LRIF1: variants seen among roughly 807,000 people sequenced by gnomAD.
LRIF1 encodes the protein ligand-dependent nuclear receptor-interacting factor 1.
LRIF1 carries 32 observed loss-of-function variants against 52.7 expected under a neutral mutation model. That is an observed-to-expected ratio of 0.61 (90% CI 0.46 to 0.82). The LOEUF (loss-of-function observed/expected upper bound fraction) is 0.82. Among genes scored for constraint, LRIF1 ranks in the 40% least tolerant of loss-of-function variants. LRIF1 has a pLI of 0.00. For synonymous variants in LRIF1, 323 were observed against 317.4 expected, an observed-to-expected ratio of 1.02 and a Z score of -0.19; for missense variants, 887 against 892.0, an observed-to-expected ratio of 0.99 and a Z score of 0.07.
At chr1:110,879,971 CAG>C in the LRIF1 span, among the ~76,000 whole-genome samples, 1 of 152,094 alleles carries the variant, frequency 6.6e-6, no homozygotes, top group Non-Finnish European at 1.5e-5. Flanking sequence ...AAAAAAAAGA[CAG>C]GGATGGAATT....
At chr1:110,923,535 A>T in the LRIF1 span, among the ~76,000 whole-genome samples, 1 of 152,168 alleles carries the variant, frequency 6.6e-6, no homozygotes, top group Non-Finnish European at 1.5e-5. Context: ...TCATGATGCA[A>T]TTTTGGTAGA....
chr1:110,877,079 C>T, the LRIF1 span, among the ~76,000 whole-genome samples: 1 of 152,156 alleles, frequency 6.6e-6, no homozygotes, highest in Non-Finnish European at 1.5e-5. Flanking sequence ...CCAATTACCT[C>T]TTTAATATTC....
the LRIF1 span, among the ~76,000 whole-genome samples, chr1:110,927,641 G>A: frequency 6.6e-6 from 1 of 152,158 alleles, no homozygotes; most frequent in African/African-American, 2.4e-5. Context: ...CCAATGAGAT[G>A]AGTCAGTAGA....
chr1:110,938,149 A>C, the LRIF1 span: 1 of 152,194 alleles, frequency 6.6e-6, no homozygotes, highest in African/African-American at 2.4e-5. Flanking sequence ...AACTAATACC[A>C]ATCTCACTCA....
At chr1:110,950,221 A>G (rs1036250441) in intron 2 of LRIF1, 98 bp from the exon 3 acceptor site, 37 of 1,382,410 alleles carry the variant, frequency 2.7e-5, no homozygotes, top group African/African-American at 2.5e-4. Context: ...ATAAAAGAAC[A>G]TATCATGCTT....
the LRIF1 span, among the ~76,000 whole-genome samples, chr1:110,881,371 T>G: frequency 1.3e-5 from 2 of 152,322 alleles, no homozygotes; most frequent in Non-Finnish European, 2.9e-5. Flanking sequence ...TCTTTTTTAT[T>G]TAACCTCTTT....
chr1:110,949,944 G>C lies in LRIF1; in HGVS notation c.1776C>G (p.Thr592=). The change falls in exon 3 of 4, where the codon ACC becomes ACG. Residue 592 remains threonine (T), a synonymous_variant. Transcript: ENST00000369763. ...TAAAGGAATCGAAACCTTCTCCAGAGGTCAAATGGTCAGGAATTCGAGTAA... is the reference window on the plus strand; with the variant it reads ...TAAAGGAATCGAAACCTTCTCCAGACGTCAAATGGTCAGGAATTCGAGTAA... ...VCLTRIPDHL[T]SGEGFDSFSS... The C allele has an allele frequency of 6.2e-7, 1 of 1,614,108 alleles. No individual in the cohort carries two copies. The highest frequency in any genetic ancestry group is 8.5e-7 in the Non-Finnish European group (1 of 1,180,010).
At chr1:110,932,526 A>G in the LRIF1 span, among the ~76,000 whole-genome samples, 1 of 152,166 alleles carries the variant, frequency 6.6e-6, no homozygotes, top group African/African-American at 2.4e-5. Flanking sequence ...GAAGAAACTC[A>G]GTGGTAGCTT....
At chr1:110,891,265 A>C in the LRIF1 span, 14 of 675,202 alleles carry the variant, frequency 2.1e-5, no homozygotes, top group African/African-American at 2.5e-4. Context: ...AGTTTGGGGA[A>C]ACTTTCCAGA....
the LRIF1 span, among the ~76,000 whole-genome samples, chr1:110,894,554 G>A: frequency 2.0e-5 from 3 of 151,832 alleles, no homozygotes; most frequent in Non-Finnish European, 2.9e-5. Flanking sequence ...TAATTGGGGG[G>A]AAAATTTGTA....
chr1:110,947,861 T>C lies in LRIF1; in HGVS notation c.*98A>G, dbSNP rs1407745378. 6.9e-7 allele frequency: 1 copy of C among 1,458,008 alleles called. No individual in the cohort carries two copies. The highest frequency in any genetic ancestry group is 2.5e-5 in the Admixed American group (1 of 40,530). 90.3% of individuals were successfully genotyped at this position (1,458,008 alleles called of 1,614,324 possible). A position where few individuals can be genotyped will look rare whatever the true frequency, so the allele number is the denominator to read the frequency against. On this transcript the variant is annotated 3_prime_UTR_variant, in exon 4 of 4. Transcript: ENST00000369763. The stretch of plus-strand genomic sequence containing the variant: ...TCGACTGATGAAAAAACAAGCTTCA[T>C]ATTCAAAGACACTTTCAGAACACAC...
At chr1:110,916,589 A>C in the LRIF1 span, among the ~76,000 whole-genome samples, 3 of 152,192 alleles carry the variant, frequency 2.0e-5, no homozygotes, top group African/African-American at 7.2e-5. Flanking sequence ...CTTAGTAATT[A>C]TAAGTAATGT....
the LRIF1 span, among the ~76,000 whole-genome samples, chr1:110,887,183 C>A: frequency 6.6e-6 from 1 of 152,060 alleles, no homozygotes; most frequent in East Asian, 1.9e-4. Context: ...CCTGCCTCAG[C>A]CTCCCGAGTA....
the LRIF1 span, among the ~76,000 whole-genome samples, chr1:110,878,211 G>C: frequency 9.8e-5 from 15 of 152,298 alleles, no homozygotes; most frequent in African/African-American, 3.6e-4. Flanking sequence ...GGGATTCAGT[G>C]AACTATCTAT....
At chr1:110,919,590 C>G in the LRIF1 span, among the ~76,000 whole-genome samples, 1 of 152,014 alleles carries the variant, frequency 6.6e-6, no homozygotes, top group African/African-American at 2.4e-5. Context: ...AATACAACCT[C>G]CAAACAAAAA....
chr1:110,942,661 G>A (rs974482465), downstream of LRIF1, among the ~76,000 whole-genome samples: 8 of 152,082 alleles, frequency 5.3e-5, no homozygotes, highest in African/African-American at 1.9e-4. Context: ...TGGTTGTAAG[G>A]CACGAGACAA....
chr1:110,878,793 T>G, the LRIF1 span, among the ~76,000 whole-genome samples: 2 of 152,224 alleles, frequency 1.3e-5, no homozygotes, highest in African/African-American at 2.4e-5. Flanking sequence ...TTTTCCAACA[T>G]GTCTTAACAG....
chr1:110,917,450 T>C, the LRIF1 span, among the ~76,000 whole-genome samples: 1 of 152,344 alleles, frequency 6.6e-6, no homozygotes, highest in South Asian at 2.1e-4. Flanking sequence ...TTCAAGTGCA[T>C]GTGAAACATC....
the LRIF1 span, chr1:110,891,593 A>G: frequency 1.4e-5 from 10 of 737,224 alleles, no homozygotes; most frequent in East Asian, 2.3e-4. Flanking sequence ...TGTCCAGCAC[A>G]ACCATCCTAG....
Sources: gnomAD v4.1 joint callset for allele counts (sites outside exome capture counted in the v4.1 genomes callset) on GRCh38, gnomAD v4.1.1 for gene constraint, MANE v1.5 for transcripts, NCBI Gene and HGNC (gene_info 2026-07-23, HGNC 2026-07-21) for gene names.